Variants in SORCS1 observed in about 807,000 individuals in gnomAD.
The protein encoded by SORCS1 is sortilin related VPS10 domain containing receptor 1.
SORCS1 carries 60 observed loss-of-function variants against 146.1 expected under a neutral mutation model. The ratio of observed to expected loss-of-function variants is 0.41; its 90% CI spans 0.33 to 0.51. The LOEUF (loss-of-function observed/expected upper bound fraction) is 0.51. SORCS1 is among the 20% of genes least tolerant of loss of function. SORCS1 has a pLI of 0.21. For synonymous variants in SORCS1, 637 were observed against 584.0 expected (o/e 1.09, Z -1.31); for missense variants, 1,352 against 1,487.6 (o/e 0.91, Z 1.50).
chr10:106,599,161 T>A (rs1846081606), intron 23 of SORCS1, among the ~76,000 whole-genome samples: 2 of 151,706 alleles, frequency 1.3e-5, no homozygotes, highest in Non-Finnish European at 2.9e-5. Context: ...AGTTCAGGAG[T>A]TCGAGACCAG....
chr10:107,027,804 A>T (rs1006385109), intron 1 of SORCS1, among the ~76,000 whole-genome samples: 3 of 152,168 alleles, frequency 2.0e-5, no homozygotes, highest in Non-Finnish European at 4.4e-5. Flanking sequence ...TCTCTGTGGC[A>T]AATTATCTCT....
At chr10:106,958,061 T>C (rs2139018262) in intron 1 of SORCS1, among the ~76,000 whole-genome samples, 1 of 152,330 alleles carries the variant, frequency 6.6e-6, no homozygotes, top group South Asian at 2.1e-4. Context: ...ACAGCTTCTT[T>C]TGGTGTCTGC....
rs60404386 is a variant in SORCS1, at chr10:107,024,173, C to CA, written c.559-67594dup. On this transcript the variant is annotated intron_variant, in intron 1 of 25. Coordinates refer to ENST00000263054, the MANE Select transcript of SORCS1 (RefSeq NM_052918.5). ...TGGGTGACAGAGCAAGATTCCATCT[C>CA]AAAAAAAAAAAAAAAAAAAAGAAGA... 3.1e-3 allele frequency among the ~76,000 whole-genome samples: 293 copies of CA among 94,500 alleles called. 2 individuals carry two copies. Among genetic ancestry groups the CA allele is most frequent in the Middle Eastern group, 5.2e-3 (1 of 192 alleles). The allele number at this position is 94,500 out of a possible 152,430, so 62.0% of individuals were successfully genotyped here.
intron 1 of SORCS1, among the ~76,000 whole-genome samples, chr10:107,065,466 C>CCTCT (rs1554937499): frequency 8.5e-5 from 5 of 58,974 alleles, no homozygotes; most frequent in Non-Finnish European, 1.7e-4. Flanking sequence ...CTTTCTCTCT[C>CCTCT]CCTCTCCTCT....
intron 3 of SORCS1, among the ~76,000 whole-genome samples, chr10:106,801,580 G>A (rs530225808): frequency 6.9e-6 from 1 of 145,470 alleles, no homozygotes; most frequent in African/African-American, 2.6e-5. Context: ...CCAGGCTGGA[G>A]TGCAGTGGTG....
intron 24 of SORCS1, among the ~76,000 whole-genome samples, chr10:106,582,882 T>A (rs1845005460): frequency 6.6e-6 from 1 of 152,192 alleles, no homozygotes; most frequent in African/African-American, 2.4e-5. Flanking sequence ...CTTACAATAA[T>A]AACAACAATC....
intron 3 of SORCS1, among the ~76,000 whole-genome samples, chr10:106,823,357 T>C (rs1948149570): frequency 6.6e-6 from 1 of 152,196 alleles, no homozygotes; most frequent in Non-Finnish European, 1.5e-5. Context: ...TTATACATTA[T>C]GACCTAGAAA....
chr10:106,735,555 A>C (rs1436759460), intron 5 of SORCS1, among the ~76,000 whole-genome samples: 2 of 152,198 alleles, frequency 1.3e-5, no homozygotes, highest in Non-Finnish European at 2.9e-5. Context: ...CAGCAATAGG[A>C]TCAATGGACA....
intron 2 of SORCS1, among the ~76,000 whole-genome samples, chr10:106,907,895 C>CAA (rs11452551): frequency 4.7e-4 from 64 of 136,832 alleles, no homozygotes; most frequent in South Asian, 4.6e-3. Context: ...CCACTGCACT[C>CAA]AAAAAAAAAA....
At chr10:107,088,810 C>T (rs1361100570) in intron 1 of SORCS1, among the ~76,000 whole-genome samples, 1 of 152,104 alleles carries the variant, frequency 6.6e-6, no homozygotes, top group Non-Finnish European at 1.5e-5. Context: ...CTATTGTAGC[C>T]CCTGAATTTG....
chr10:106,844,111 T>C (rs193157417), intron 2 of SORCS1, among the ~76,000 whole-genome samples: 57 of 152,354 alleles, frequency 3.7e-4, no homozygotes, highest in Non-Finnish European at 6.9e-4. Context: ...TTCATTGTGG[T>C]TTTAACTTGC....
At chr10:106,673,123 C>T (rs1336943243) in intron 14 of SORCS1, 138 bp from the exon 15 acceptor site, 4 of 615,528 alleles carry the variant, frequency 6.5e-6, no homozygotes, top group Non-Finnish European at 8.0e-6. Flanking sequence ...AAAACGCATT[C>T]ATGAAGAGGG....
chr10:106,631,972 A>G (rs1286953079), intron 18 of SORCS1, among the ~76,000 whole-genome samples: 1 of 152,118 alleles, frequency 6.6e-6, no homozygotes, highest in Non-Finnish European at 1.5e-5. Context: ...TGTGTATATA[A>G]TGGGTGAAAG....
intron 2 of SORCS1, among the ~76,000 whole-genome samples, chr10:106,843,257 AC>A (rs1949133435): frequency 6.6e-6 from 1 of 151,342 alleles, no homozygotes; most frequent in Non-Finnish European, 1.5e-5. Flanking sequence ...CTTTCTCCCA[AC>A]CCCCAGCCAC....
intron 3 of SORCS1, among the ~76,000 whole-genome samples, chr10:106,793,499 G>C (rs1946412063): frequency 6.6e-6 from 1 of 152,164 alleles, no homozygotes; most frequent in Admixed American, 6.5e-5. Flanking sequence ...AGCAGGGGAA[G>C]AGAAAGAGTA....
At chr10:107,154,046 C>T (rs11812128) in intron 1 of SORCS1, among the ~76,000 whole-genome samples, 5,133 of 115,674 alleles carry the variant, frequency 0.044, 233 homozygotes, top group African/African-American at 0.13. Context: ...GAGTCTTGCT[C>T]TGTCACCTAG....
intron 1 of SORCS1, among the ~76,000 whole-genome samples, chr10:107,006,782 A>C (rs1957461877): frequency 6.6e-6 from 1 of 152,248 alleles, no homozygotes. Flanking sequence ...GTGCCACTGC[A>C]TTCCAGCCTG....
At chr10:106,612,373 C>G (rs1302143023) in intron 21 of SORCS1, among the ~76,000 whole-genome samples, 1 of 135,174 alleles carries the variant, frequency 7.4e-6, no homozygotes, top group African/African-American at 2.7e-5. Context: ...CTGTCTCCCC[C>G]TTTCCCCCTT....
chr10:106,709,595 T>C (rs578203225), intron 6 of SORCS1, among the ~76,000 whole-genome samples: 38 of 152,016 alleles, frequency 2.5e-4, no homozygotes, highest in Admixed American at 7.9e-4. Context: ...ACTACAGGCA[T>C]CCACCACAAT....
Sources: allele counts gnomAD v4.1 joint callset (sites outside exome capture counted in the v4.1 genomes callset), GRCh38; gene constraint gnomAD v4.1.1; transcripts MANE v1.5; gene names NCBI Gene and HGNC (gene_info 2026-07-23, HGNC 2026-07-21).